Variants in MEIS1 observed in about 807,000 individuals in gnomAD.
The protein encoded by MEIS1 is homeobox protein Meis1.
A neutral mutation model predicts 50.8 loss-of-function variants in MEIS1; 5 were observed. The ratio of observed to expected loss-of-function variants is 0.10; its 90% CI spans 0.05 to 0.21. The LOEUF (loss-of-function observed/expected upper bound fraction) is 0.21. Among genes scored for constraint, MEIS1 ranks in the 10% least tolerant of loss-of-function variants. The pLI is 1.00. For synonymous variants in MEIS1, 176 were observed against 179.3 expected (o/e 0.98, Z 0.15); for missense variants, 318 against 517.3 (o/e 0.61, Z 3.74).
chr2:66,448,410 T>A (rs1672200857), intron 6 of MEIS1, among the ~76,000 whole-genome samples: 1 of 152,154 alleles, frequency 6.6e-6, no homozygotes, highest in South Asian at 2.1e-4. Context: ...AACTTATGTT[T>A]ATTAAGGCCA....
At chr2:66,491,226 C>A (rs1467767947) in intron 7 of MEIS1, among the ~76,000 whole-genome samples, 1 of 152,186 alleles carries the variant, frequency 6.6e-6, no homozygotes, top group African/African-American at 2.4e-5. Flanking sequence ...TATGCCCCCA[C>A]AATAGGTCAA....
At chr2:66,568,833 G>C in intron 11 of MEIS1, 77 bp downstream of exon 11, 1 of 1,335,338 alleles carries the variant, frequency 7.5e-7, no homozygotes, top group Admixed American at 1.7e-5. Context: ...AGGTAAATCC[G>C]CCTCATCCTT....
intron 9 of MEIS1, among the ~76,000 whole-genome samples, chr2:66,559,925 T>C (rs1417415218): frequency 1.3e-5 from 2 of 152,152 alleles, no homozygotes; most frequent in Admixed American, 1.3e-4. Flanking sequence ...GCTTCCCTAG[T>C]AGCTGGGACT....
At position 66,549,346 on chromosome 2, in the gene MEIS1, C is replaced by A. The variant is rs1444639506; in HGVS notation, c.965+1327C>A. 3.3e-5 allele frequency among the ~76,000 whole-genome samples: 5 copies of A among 151,950 alleles called. No individual in the cohort carries two copies. The South Asian group carries it at 6.3e-4, about 19-fold the overall frequency. On this transcript the variant is annotated intron_variant, in intron 9 of 12. Coordinates refer to ENST00000272369, the MANE Select transcript of MEIS1 (RefSeq NM_002398.3). ...GCCCTTTTCATCAGTGGATGGTAAA[C>A]CAAGCAAAGGCATACTACATCTAAA... is the stretch of plus-strand genomic sequence containing the variant.
At chr2:66,569,458 C>A (rs550455177) in intron 12 of MEIS1, 3 of 188,658 alleles carry the variant, frequency 1.6e-5, no homozygotes, top group Admixed American at 5.6e-5. Flanking sequence ...AAGCAGTCTG[C>A]AGCAGTGCAA....
chr2:66,466,711 T>C (rs901333295), intron 7 of MEIS1, among the ~76,000 whole-genome samples: 2 of 152,230 alleles, frequency 1.3e-5, no homozygotes, highest in African/African-American at 4.8e-5. Context: ...TTTAGTCAAC[T>C]GGGTAAATAA....
At chr2:66,477,916 C>A (rs1259209290) in intron 7 of MEIS1, among the ~76,000 whole-genome samples, 1 of 152,130 alleles carries the variant, frequency 6.6e-6, no homozygotes, top group Non-Finnish European at 1.5e-5. Flanking sequence ...TACCGTTATG[C>A]CTGCTGATAC....
At chr2:66,558,455 T>C (rs1431817325) in intron 9 of MEIS1, among the ~76,000 whole-genome samples, 3 of 152,188 alleles carry the variant, frequency 2.0e-5, no homozygotes, top group African/African-American at 7.2e-5. Context: ...GCTAATGTTA[T>C]TGTCTTTATT....
intron 7 of MEIS1, among the ~76,000 whole-genome samples, chr2:66,473,706 C>A (rs1310977352): frequency 6.6e-6 from 1 of 151,984 alleles, no homozygotes; most frequent in African/African-American, 2.4e-5. Context: ...GTACATATAT[C>A]CCCTGAATTC....
intron 9 of MEIS1, among the ~76,000 whole-genome samples, chr2:66,556,943 A>G (rs1226241410): frequency 6.6e-6 from 1 of 151,990 alleles, no homozygotes; most frequent in African/African-American, 2.4e-5. Flanking sequence ...GAGAGGGGGT[A>G]GCGGGGCACA....
intron 7 of MEIS1, among the ~76,000 whole-genome samples, chr2:66,484,983 C>T (rs1205222872): frequency 3.3e-5 from 5 of 151,938 alleles, no homozygotes; most frequent in South Asian, 2.1e-4. Flanking sequence ...AAATATAGGA[C>T]GAGATTTTTT....
In MEIS1 at chr2:66,507,726, C is replaced by T. The variant is rs192308708; in HGVS notation, c.743-4423C>T. Among the ~76,000 whole-genome samples, 266 of 152,326 alleles carry T rather than the reference C, an allele frequency of 1.7e-3. 1 individual carries two copies. The highest frequency in any genetic ancestry group is 6.0e-3 in the African/African-American group (249 of 41,582). Reference sequence around the variant, plus strand: ...TGCCGGAGAGGAGCCCCTGCTGACACGGTCAGTCTGACCCATTGAATGGCC... The same window carrying T: ...TGCCGGAGAGGAGCCCCTGCTGACATGGTCAGTCTGACCCATTGAATGGCC... On this transcript the variant is annotated intron_variant, in intron 7 of 12. Coordinates refer to ENST00000272369, the MANE Select transcript of MEIS1 (RefSeq NM_002398.3).
intron 7 of MEIS1, among the ~76,000 whole-genome samples, chr2:66,493,891 T>C (rs1673333603): frequency 6.6e-6 from 1 of 152,182 alleles, no homozygotes; most frequent in African/African-American, 2.4e-5. Flanking sequence ...ATCAGACCCA[T>C]TTAAACAGAG....
chr2:66,454,465 G>A (rs1236331694), intron 6 of MEIS1, among the ~76,000 whole-genome samples: 2 of 152,162 alleles, frequency 1.3e-5, no homozygotes, highest in African/African-American at 4.8e-5. Flanking sequence ...TCAAATAACA[G>A]TTATGTAAGG....
chr2:66,513,209 A>G (rs1572867969), intron 8 of MEIS1, among the ~76,000 whole-genome samples: 1 of 152,346 alleles, frequency 6.6e-6, no homozygotes, highest in Non-Finnish European at 1.5e-5. Context: ...GAATTTAGAC[A>G]GGTTGTAGCA....
At position 66,442,795 on chromosome 2, in the gene MEIS1, C is replaced by A. The variant is rs1017711151; in HGVS notation, c.484-107C>A. 5 of 1,065,896 alleles carry A rather than the reference C, an allele frequency of 4.7e-6. No homozygotes were observed. The African/African-American group carries it at 8.3e-5, about 18-fold the overall frequency. 66.0% of individuals were successfully genotyped at this position (1,065,896 alleles called of 1,614,324 possible). The stretch of plus-strand genomic sequence containing the variant: ...TCTGGAGGACAATTGCCCTGTGTTT[C>A]CCCTATTTGGAAGTTTGGATCTCAC... On this transcript the variant is annotated intron_variant, in intron 5 of 12. Coordinates refer to ENST00000272369, the MANE Select transcript of MEIS1 (RefSeq NM_002398.3).
At chr2:66,455,656 G>C (rs1484032730) in intron 6 of MEIS1, among the ~76,000 whole-genome samples, 2 of 152,130 alleles carry the variant, frequency 1.3e-5, no homozygotes, top group Admixed American at 6.5e-5. Flanking sequence ...GTGGTATTCA[G>C]TCCTGGCTTC....
At chr2:66,569,260 C>T (rs1431534629) in intron 12 of MEIS1, 115 bp downstream of exon 12, 1 of 847,740 alleles carries the variant, frequency 1.2e-6, no homozygotes, top group Non-Finnish European at 1.8e-6. Flanking sequence ...TTCCATTAAA[C>T]TCCTGGTTTC....
chr2:66,440,381 T>TA (rs767005621), intron 3 of MEIS1, 181 bp from the exon 4 acceptor site: 12 of 644,374 alleles, frequency 1.9e-5, no homozygotes, highest in Non-Finnish European at 3.1e-5. Flanking sequence ...TCAGCTTATT[T>TA]AATTCACACT....
Sources: gnomAD v4.1 joint callset for allele counts (sites outside exome capture counted in the v4.1 genomes callset) on GRCh38, gnomAD v4.1.1 for gene constraint, MANE v1.5 for transcripts, NCBI Gene and HGNC (gene_info 2026-07-23, HGNC 2026-07-21) for gene names.